Variants in CAND1 observed in about 807,000 individuals in gnomAD.
The protein encoded by CAND1 is cullin-associated NEDD8-dissociated protein 1.
A neutral mutation model predicts 108.5 loss-of-function variants in CAND1; 7 were observed. The observed-to-expected ratio is 0.06, with a 90% CI of 0.04 to 0.12. The LOEUF (loss-of-function observed/expected upper bound fraction) is 0.12, where lower values mean the gene tolerates loss of function less well. Ranked by LOEUF, CAND1 falls within the 10% of genes least tolerant of loss-of-function variation. The probability of loss-of-function intolerance (pLI) is 1.00; values close to 1 mark genes in which losing one functional copy is unlikely to be tolerated. For synonymous variants in CAND1, 534 were observed against 512.0 expected (o/e 1.04, Z -0.58); for missense variants, 941 against 1,448.7 (o/e 0.65, Z 5.69).
At chr12:67,304,398 G>A (rs895336886) in intron 8 of CAND1, among the ~76,000 whole-genome samples, 2 of 152,166 alleles carry the variant, frequency 1.3e-5, no homozygotes, top group Non-Finnish European at 2.9e-5. Flanking sequence ...TTTCTTATCA[G>A]TATCAAGCAA....
intron 8 of CAND1, among the ~76,000 whole-genome samples, chr12:67,304,361 G>T (rs2044857355): frequency 6.6e-6 from 1 of 152,088 alleles, no homozygotes; most frequent in South Asian, 2.1e-4. Context: ...TTGCTCTCTG[G>T]AAAGCTAAAT....
chr12:67,281,836 G>A, intron 1 of CAND1, 74 bp from the exon 2 acceptor site: 1 of 1,055,626 alleles, frequency 9.5e-7, no homozygotes, highest in Non-Finnish European at 1.3e-6. Flanking sequence ...TATAGCAGTG[G>A]ATTTGAAAAA....
chr12:67,315,977 A>T lies in CAND1; in HGVS notation c.*3147A>T, dbSNP rs1384083527. On this transcript the variant is annotated 3_prime_UTR_variant, in exon 15 of 15. Coordinates refer to ENST00000545606, the MANE Select transcript of CAND1 (RefSeq NM_018448.5). The stretch of plus-strand genomic sequence containing the variant: ...TAATGAAGTAACATTTTCTGCCCAC[A>T]TTAATTTTACTAAAGACCTAAATTG... The T allele has an allele frequency of 6.6e-6, 1 of 152,234 alleles. No homozygotes were observed. The highest frequency in any genetic ancestry group is 1.5e-5 in the Non-Finnish European group (1 of 68,032). The allele number at this position is 152,234 out of a possible 1,614,324, so 9.4% of individuals were successfully genotyped here. A position where few individuals can be genotyped will look rare whatever the true frequency, so the allele number is the denominator to read the frequency against.
intron 1 of CAND1, among the ~76,000 whole-genome samples, chr12:67,280,026 A>G (rs1276924621): frequency 6.6e-6 from 1 of 152,222 alleles, no homozygotes; most frequent in Non-Finnish European, 1.5e-5. Flanking sequence ...CAGAATATTA[A>G]TGAAAATTAG....
At chr12:67,277,746 T>G (rs1242912944) in intron 1 of CAND1, among the ~76,000 whole-genome samples, 2 of 152,200 alleles carry the variant, frequency 1.3e-5, no homozygotes, top group African/African-American at 4.8e-5. Context: ...CAAATAAATG[T>G]TAATGAGTAG....
intron 1 of CAND1, among the ~76,000 whole-genome samples, chr12:67,274,642 A>G (rs1289532352): frequency 6.6e-6 from 1 of 152,216 alleles, no homozygotes; most frequent in East Asian, 1.9e-4. Context: ...AACCATTGTA[A>G]AATCAACTAA....
chr12:67,289,099 ATTGT>A (rs1273878784), intron 2 of CAND1, among the ~76,000 whole-genome samples: 1 of 151,994 alleles, frequency 6.6e-6, no homozygotes, highest in Non-Finnish European at 1.5e-5. Flanking sequence ...TTATTTTAAA[ATTGT>A]TTGTTGTAGA....
chr12:67,298,503 A>G (rs1234483647), intron 6 of CAND1, among the ~76,000 whole-genome samples: 1 of 152,202 alleles, frequency 6.6e-6, no homozygotes, highest in Non-Finnish European at 1.5e-5. Context: ...GTTGAGAAAC[A>G]CAAAGTATTC....
chr12:67,295,303 G>A (rs968523136), intron 4 of CAND1, 147 bp downstream of exon 4: 14 of 607,170 alleles, frequency 2.3e-5, no homozygotes, highest in Non-Finnish European at 3.5e-5. Context: ...GTGATTGGGA[G>A]TGAGGGGGAA....
intron 3 of CAND1, among the ~76,000 whole-genome samples, chr12:67,294,417 A>G (rs1410471162): frequency 2.6e-5 from 4 of 152,172 alleles, no homozygotes; most frequent in Non-Finnish European, 5.9e-5. Flanking sequence ...GAAGCTGCTA[A>G]GCATTGGAGC....
In CAND1 at chr12:67,312,934, GTTCC is replaced by G; in HGVS notation, c.*105_*108del. The stretch of plus-strand genomic sequence containing the variant: ...GAGAAGTGTCTAAAAGCTTCAAAAT[GTTCC>G]ACTTTTTTTTCCTTCATGGAGACTG... On this transcript the variant is annotated 3_prime_UTR_variant, in exon 15 of 15. Coordinates refer to ENST00000545606, the MANE Select transcript of CAND1 (RefSeq NM_018448.5). The G allele has an allele frequency of 2.8e-6, 2 of 721,476 alleles. No individual in the cohort carries two copies. Among genetic ancestry groups the G allele is most frequent in the Non-Finnish European group, 4.3e-6 (2 of 460,744 alleles). 44.7% of individuals were successfully genotyped at this position (721,476 alleles called of 1,614,324 possible).
In CAND1 at chr12:67,297,386, CTTTTT is replaced by C. The variant is rs754310023; in HGVS notation, c.492-18_492-14del. ...CTTGAATTCATTTGTTGTTTTCTTT[CTTTTT>C]TTATTTTATTTTAAGGCAAGGAGGA... is the stretch of plus-strand genomic sequence containing the variant. On this transcript the variant is annotated splice_polypyrimidine_tract_variant and intron_variant, in intron 4 of 14. Transcript: ENST00000545606. 1 of 1,598,954 alleles carries C rather than the reference CTTTTT, an allele frequency of 6.3e-7. No individual in the cohort carries two copies. Among genetic ancestry groups the C allele is most frequent in the Non-Finnish European group, 8.5e-7 (1 of 1,173,422 alleles).
intron 8 of CAND1, among the ~76,000 whole-genome samples, chr12:67,303,836 G>A (rs1199849494): frequency 6.6e-6 from 1 of 152,042 alleles, no homozygotes; most frequent in Non-Finnish European, 1.5e-5. Flanking sequence ...ACAGCAAATG[G>A]AAAGTAAGAA....
Position 67,292,614 on chromosome 12 carries a change from T to C in CAND1, c.213-8T>C, listed in dbSNP as rs1173899601. On this transcript the variant is annotated splice_region_variant and splice_polypyrimidine_tract_variant and intron_variant, in intron 2 of 14. Transcript: ENST00000545606. ...CTTTTTTTAAACAATTTCTTCTTTGTATTACAGTCTTGGTCCTTTAGTGAG... is the reference window on the plus strand; with the variant it reads ...CTTTTTTTAAACAATTTCTTCTTTGCATTACAGTCTTGGTCCTTTAGTGAG... 2 of 1,587,308 alleles carry C rather than the reference T, an allele frequency of 1.3e-6. No homozygotes were observed. Among genetic ancestry groups the C allele is most frequent in the Non-Finnish European group, 1.7e-6 (2 of 1,168,516 alleles).
At chr12:67,285,767 T>A (rs758653885) in intron 2 of CAND1, among the ~76,000 whole-genome samples, 1 of 152,248 alleles carries the variant, frequency 6.6e-6, no homozygotes, top group Non-Finnish European at 1.5e-5. Flanking sequence ...ACAAAACTCA[T>A]ATAAATGGAA....
Position 67,299,180 on chromosome 12 carries a change from T to C in CAND1, c.1000+85T>C, listed in dbSNP as rs183461516. 163 of 1,296,296 alleles carry C rather than the reference T, an allele frequency of 1.3e-4. 2 individuals are homozygous for C. In the African/African-American group the frequency reaches 1.8e-3, roughly 14 times the overall value. 80.3% of individuals were successfully genotyped at this position (1,296,296 alleles called of 1,614,324 possible). A position where few individuals can be genotyped will look rare whatever the true frequency, so the allele number is the denominator to read the frequency against. ...GATTCTTAGTCCAAATTGTACTGTT[T>C]GTTTTATTTAGTTATAATAGTGAAA... On this transcript the variant is annotated intron_variant, in intron 7 of 14. Coordinates refer to ENST00000545606, the MANE Select transcript of CAND1 (RefSeq NM_018448.5).
intron 2 of CAND1, among the ~76,000 whole-genome samples, chr12:67,290,298 G>A (rs1183133403): frequency 6.6e-6 from 1 of 152,132 alleles, no homozygotes; most frequent in Non-Finnish European, 1.5e-5. Flanking sequence ...ATCACTTGAG[G>A]TCAGGAGTTC....
intron 1 of CAND1, among the ~76,000 whole-genome samples, chr12:67,275,891 T>A (rs1368107591): frequency 6.6e-6 from 1 of 152,200 alleles, no homozygotes; most frequent in Admixed American, 6.5e-5. Flanking sequence ...ACAGGTCATA[T>A]CAACCTGGGA....
intron 2 of CAND1, among the ~76,000 whole-genome samples, chr12:67,287,857 A>T (rs1387433596): frequency 1.2e-4 from 13 of 112,564 alleles, no homozygotes; most frequent in East Asian, 2.6e-4. Flanking sequence ...TTTTGATGTG[A>T]TTTTTTTTTT....
Sources: allele counts gnomAD v4.1 joint callset (sites outside exome capture counted in the v4.1 genomes callset), GRCh38; gene constraint gnomAD v4.1.1; transcripts MANE v1.5; gene names NCBI Gene and HGNC (gene_info 2026-07-23, HGNC 2026-07-21).